SLC47A2: variants seen among roughly 807,000 people sequenced by gnomAD.
The protein encoded by SLC47A2 is multidrug and toxin extrusion protein 2.
In SLC47A2, 52 loss-of-function variants were observed where a neutral mutation model predicts 67.7. The observed-to-expected ratio is 0.77, with a 90% CI of 0.61 to 0.97. SLC47A2 has a LOEUF of 0.97. Among genes scored for constraint, SLC47A2 ranks in the 50% least tolerant of loss-of-function variants. The pLI, the probability that SLC47A2 is intolerant of heterozygous loss-of-function variation, is 0.00. For synonymous variants in SLC47A2, 278 were observed against 292.9 expected (o/e 0.95, Z 0.52); for missense variants, 676 against 712.3 (o/e 0.95, Z 0.58).
chr17:19,710,495 C>T (rs1396986315), intron 5 of SLC47A2, among the ~76,000 whole-genome samples: 1 of 151,966 alleles, frequency 6.6e-6, no homozygotes, highest in Non-Finnish European at 1.5e-5. Flanking sequence ...TCGTGTTGCC[C>T]AGGCTGAAGT....
In SLC47A2 at chr17:19,684,776, C is replaced by A. The variant is rs531457343; in HGVS notation, c.1165-3106G>T. On this transcript the variant is annotated intron_variant, in intron 13 of 16. Transcript: ENST00000433844. Reference sequence around the variant, plus strand: ...AATCATTGAAATAAACAGCAGAAGACTAAAACATGCATCTATTAAAAAAAC... The same window carrying A: ...AATCATTGAAATAAACAGCAGAAGAATAAAACATGCATCTATTAAAAAAAC... 1.4e-4 allele frequency among the ~76,000 whole-genome samples: 22 copies of A among 151,972 alleles called. No individual in the cohort carries two copies. The South Asian group carries it at 4.4e-3, about 30-fold the overall frequency.
Position 19,708,306 on chromosome 17 carries a change from C to T in SLC47A2, c.625G>A (p.Val209Ile), listed in dbSNP as rs759416536. Residue 209 changes from valine (V) to isoleucine (I), a missense_variant, in exon 7 of 17, where the codon GTC becomes ATC. Transcript: ENST00000433844. ...CCCACCAGCCCCCGGGCTCACCTGA[C>T]CCCCAGGTTCAGCACAGAAACCAGG... ...YALVSVLNLG[V>I]RGSAYANIIS... 1 of 1,612,686 alleles carries T rather than the reference C, an allele frequency of 6.2e-7. No individual in the cohort carries two copies. The highest frequency in any genetic ancestry group is 8.5e-7 in the Non-Finnish European group (1 of 1,179,998).
At chr17:19,703,027 C>G in intron 12 of SLC47A2, 65 bp downstream of exon 12, 1 of 1,516,862 alleles carries the variant, frequency 6.6e-7, no homozygotes, top group Non-Finnish European at 9.1e-7. Context: ...TGTGATAAAT[C>G]TGAGGACACA....
At chr17:19,714,543 G>A in intron 3 of SLC47A2, 178 bp downstream of exon 3, 1 of 705,774 alleles carries the variant, frequency 1.4e-6, no homozygotes, top group Non-Finnish European at 2.5e-6. Flanking sequence ...TTTCAAAGGG[G>A]AGGGTCTGTT....
chr17:19,713,145 T>G (rs2086147207), intron 4 of SLC47A2, among the ~76,000 whole-genome samples: 1 of 152,084 alleles, frequency 6.6e-6, no homozygotes, highest in South Asian at 2.1e-4. Context: ...ATCCCAGCAC[T>G]TTGGGAGGCT....
At chr17:19,711,828 C>T (rs1316011094) in intron 5 of SLC47A2, among the ~76,000 whole-genome samples, 6 of 151,728 alleles carry the variant, frequency 4.0e-5, no homozygotes, top group African/African-American at 1.5e-4. Context: ...AGATGATTCA[C>T]AAAGATTTTT....
chr17:19,698,134 T>C (rs1170986386), intron 13 of SLC47A2, among the ~76,000 whole-genome samples: 1 of 152,148 alleles, frequency 6.6e-6, no homozygotes, highest in Non-Finnish European at 1.5e-5. Flanking sequence ...GGGAAAAGAC[T>C]CAAAACGCAA....
At chr17:19,703,592 C>A (rs1486725754) in intron 11 of SLC47A2, among the ~76,000 whole-genome samples, 1 of 152,248 alleles carries the variant, frequency 6.6e-6, no homozygotes, top group Non-Finnish European at 1.5e-5. Context: ...CCGGTCTGAG[C>A]CTTCCAGTCT....
chr17:19,682,360 CACA>C (rs2085334498), intron 13 of SLC47A2, among the ~76,000 whole-genome samples: 1 of 151,160 alleles, frequency 6.6e-6, no homozygotes, highest in African/African-American at 2.5e-5. Context: ...CACACACACA[CACA>C]CAAATTTATT....
chr17:19,708,773 C>G lies in SLC47A2; in HGVS notation c.487-13G>C, dbSNP rs1567633459. 1 of 1,613,842 alleles carries G rather than the reference C, an allele frequency of 6.2e-7. No individual in the cohort carries two copies. ...AAAGAAAAATCACCTGTATGAAAAGCAAACCCAAACAAATCAACAATAATG... is the reference window on the plus strand; with the variant it reads ...AAAGAAAAATCACCTGTATGAAAAGGAAACCCAAACAAATCAACAATAATG... On this transcript the variant is annotated splice_polypyrimidine_tract_variant and intron_variant, in intron 5 of 16. Transcript: ENST00000433844.
intron 16 of SLC47A2, 65 bp from the exon 17 acceptor site, chr17:19,678,971 A>G: frequency 7.0e-7 from 1 of 1,435,178 alleles, no homozygotes; most frequent in Non-Finnish European, 9.6e-7. Flanking sequence ...TGGCCTTGGA[A>G]TCGGGAAACC....
At chr17:19,713,708 T>A (rs2086166358) in intron 4 of SLC47A2, 117 bp downstream of exon 4, 1 of 1,418,178 alleles carries the variant, frequency 7.1e-7, no homozygotes, top group African/African-American at 1.4e-5. Flanking sequence ...CACCGTGCAC[T>A]GTGAGCACTC....
intron 13 of SLC47A2, among the ~76,000 whole-genome samples, chr17:19,681,954 T>C (rs1031867893): frequency 3.3e-5 from 5 of 152,196 alleles, no homozygotes; most frequent in Admixed American, 1.3e-4. Flanking sequence ...AAAGGTAGAA[T>C]TGGTGGCCAG....
chr17:19,680,442 T>C (rs2085288928), intron 15 of SLC47A2, among the ~76,000 whole-genome samples: 2 of 152,214 alleles, frequency 1.3e-5, no homozygotes, highest in South Asian at 4.1e-4. Flanking sequence ...ATTGTACCAC[T>C]GCATTCCATC....
At chr17:19,708,600 C>T in intron 6 of SLC47A2, 116 bp downstream of exon 6, 1 of 1,592,186 alleles carries the variant, frequency 6.3e-7, no homozygotes, top group Admixed American at 1.7e-5. Flanking sequence ...GAAGTGACCC[C>T]TTTCAAGAGC....
Position 19,703,227 on chromosome 17 carries a change from G to C in SLC47A2, c.1019-60C>G, listed in dbSNP as rs928062492. 43 of 1,507,078 alleles carry C rather than the reference G, an allele frequency of 2.9e-5. No homozygotes were observed. The East Asian group carries it at 9.3e-4, about 33-fold the overall frequency. 93.4% of individuals were successfully genotyped at this position (1,507,078 alleles called of 1,614,324 possible). A position where few individuals can be genotyped will look rare whatever the true frequency, so the allele number is the denominator to read the frequency against. ...CCAAGCCAGGAAGCACCCTTGCTCA[G>C]ATCAGCAAAGGGCTGGCCCCTATGT... is the stretch of plus-strand genomic sequence containing the variant. On this transcript the variant is annotated intron_variant, in intron 11 of 16. Coordinates refer to ENST00000433844, the MANE Select transcript of SLC47A2 (RefSeq NM_001099646.3).
intron 1 of SLC47A2, 182 bp downstream of exon 1, chr17:19,716,251 G>A: frequency 2.1e-6 from 2 of 974,372 alleles, no homozygotes; most frequent in Non-Finnish European, 2.9e-6. Context: ...CTGCCACTGG[G>A]GATTGTCCAG....
At position 19,715,133 on chromosome 17, in the gene SLC47A2, C is replaced by A. The variant is rs1368756961; in HGVS notation, c.208G>T (p.Val70Leu). Reference sequence around the variant, plus strand: ...GTACTCACGGCCACCGCGAGGGTCACCGATGCCAGCTCCACCTTGCCCAGG... The same window carrying A: ...GTACTCACGGCCACCGCGAGGGTCAACGATGCCAGCTCCACCTTGCCCAGG... ...GHLGKVELAS[V>L]TLAVAFVNVC... The change falls in exon 2 of 17, where the codon GTG (valine) becomes TTG (leucine). Residue 70 changes from valine to leucine, a missense_variant. By Grantham distance (32) the Val-to-Leu change is conservative. Coordinates refer to ENST00000433844, the MANE Select transcript of SLC47A2 (RefSeq NM_001099646.3). The A allele has an allele frequency of 1.2e-6, 2 of 1,612,358 alleles. No individual in the cohort carries two copies. Among genetic ancestry groups the A allele is most frequent in the South Asian group, 1.1e-5 (1 of 91,084 alleles).
Position 19,708,742 on chromosome 17 carries a change from G to A in SLC47A2, c.505C>T (p.Leu169=), listed in dbSNP as rs779036495. The A allele has an allele frequency of 6.2e-7, 1 of 1,613,990 alleles. No individual in the cohort carries two copies. The highest frequency in any genetic ancestry group is 8.5e-7 in the Non-Finnish European group (1 of 1,180,036). The change falls in exon 6 of 17, where the codon CTG becomes TTG. Residue 169 remains leucine (L), a synonymous_variant. Transcript: ENST00000433844. ...TGATTTTGCAAATATTTTGCCAGCA[G>A]ATTGTAAAGAAAAATCACCTGTATG... ...PGLPVIFLYN[L]LAKYLQNQKI...
Sources: gnomAD v4.1 joint callset for allele counts (sites outside exome capture counted in the v4.1 genomes callset) on GRCh38, gnomAD v4.1.1 for gene constraint, MANE v1.5 for transcripts, NCBI Gene and HGNC (gene_info 2026-07-23, HGNC 2026-07-21) for gene names.